ADGRA3: variants seen among roughly 807,000 people sequenced by gnomAD.
The protein encoded by ADGRA3 is G-protein coupled receptor 125.
In ADGRA3, 56 loss-of-function variants were observed where a neutral mutation model predicts 119.8. The ratio of observed to expected loss-of-function variants is 0.47; its 90% CI spans 0.38 to 0.58. The LOEUF (loss-of-function observed/expected upper bound fraction) is 0.58, where lower values mean the gene tolerates loss of function less well. Ranked by LOEUF, ADGRA3 falls within the 20% of genes least tolerant of loss-of-function variation. The pLI, the probability that ADGRA3 is intolerant of heterozygous loss-of-function variation, is 0.00. For synonymous variants in ADGRA3, 607 were observed against 623.8 expected, an observed-to-expected ratio of 0.97 and a Z score of 0.40; for missense variants, 1,516 against 1,649.0, an observed-to-expected ratio of 0.92 and a Z score of 1.40.
intron 2 of ADGRA3, among the ~76,000 whole-genome samples, chr4:22,469,203 C>T (rs931880026): frequency 6.6e-6 from 1 of 152,180 alleles, no homozygotes; most frequent in Non-Finnish European, 1.5e-5. Flanking sequence ...AAACCGAGGA[C>T]ACCCTCAACC....
intron 16 of ADGRA3, chr4:22,394,246 T>G (rs1714257949): frequency 6.6e-6 from 1 of 152,180 alleles, no homozygotes; most frequent in African/African-American, 2.4e-5. Context: ...AGAACCAATC[T>G]GCAGCAAACA....
At chr4:22,427,663 G>A (rs1339379768) in intron 10 of ADGRA3, among the ~76,000 whole-genome samples, 1 of 152,106 alleles carries the variant, frequency 6.6e-6, no homozygotes, top group African/African-American at 2.4e-5. Flanking sequence ...AAGTAGCTCT[G>A]AATATGTCAC....
In ADGRA3 at chr4:22,404,546, C is replaced by T. The variant is rs118084083; in HGVS notation, c.2233-1747G>A. 5.8e-3 allele frequency among the ~76,000 whole-genome samples: 888 copies of T among 152,298 alleles called. 14 individuals are homozygous for T. The highest frequency in any genetic ancestry group is 0.045 in the East Asian group (234 of 5,186). On this transcript the variant is annotated intron_variant, in intron 14 of 18. Coordinates refer to ENST00000334304, the MANE Select transcript of ADGRA3 (RefSeq NM_145290.4). ...ATGAGCCTCTAACTTACAATTCACCCATTTACTTGACAAATATTGAGTGCC... is the reference window on the plus strand; with the variant it reads ...ATGAGCCTCTAACTTACAATTCACCTATTTACTTGACAAATATTGAGTGCC...
chr4:22,420,484 C>T (rs1310954740), intron 12 of ADGRA3: 3 of 203,666 alleles, frequency 1.5e-5, no homozygotes. Flanking sequence ...CTAGGCTTGG[C>T]AGGCGCAGTG....
At position 22,454,867 on chromosome 4, in the gene ADGRA3, G is replaced by A. The variant is rs1218846392; in HGVS notation, c.472C>T (p.Leu158=). 1.9e-6 allele frequency: 3 copies of A among 1,610,046 alleles called. No individual in the cohort carries two copies. The highest frequency in any genetic ancestry group is 2.6e-6 in the Non-Finnish European group (3 of 1,176,372). ...IFRGLTNLVR[L]NLSGNLFSSL... is the part of the protein sequence containing the mutation. ...ATGGGAAAGAAAAGATATACTTACA[G>A]CCGAACCAGATTGGTGAGTCCTCGA... The change falls in exon 4 of 19, where the codon CTA becomes TTA. Residue 158 remains leucine, a splice_region_variant and synonymous_variant. Transcript: ENST00000334304.
chr4:22,483,286 C>A (rs1560339845), intron 1 of ADGRA3, among the ~76,000 whole-genome samples: 1 of 152,100 alleles, frequency 6.6e-6, no homozygotes, highest in Non-Finnish European at 1.5e-5. Context: ...GGAGACCCAA[C>A]AGAAAAGGTC....
chr4:22,416,594 G>A (rs1715439098), intron 12 of ADGRA3, among the ~76,000 whole-genome samples: 1 of 152,068 alleles, frequency 6.6e-6, no homozygotes, highest in African/African-American at 2.4e-5. Flanking sequence ...ACTGTCGGTG[G>A]TATTTTTTAC....
chr4:22,462,857 G>A (rs1027996371), intron 2 of ADGRA3, among the ~76,000 whole-genome samples: 2 of 152,144 alleles, frequency 1.3e-5, no homozygotes, highest in Non-Finnish European at 2.9e-5. Context: ...GACACACTAT[G>A]GCTACAGCTC....
At chr4:22,435,178 T>C in intron 10 of ADGRA3, 133 bp downstream of exon 10, 1 of 751,232 alleles carries the variant, frequency 1.3e-6, no homozygotes, top group Non-Finnish European at 2.2e-6. Flanking sequence ...CTCAATAAAA[T>C]TCTGGAAATT....
At chr4:22,435,775 C>T (rs1368965114) in intron 9 of ADGRA3, among the ~76,000 whole-genome samples, 1 of 152,168 alleles carries the variant, frequency 6.6e-6, no homozygotes, top group Non-Finnish European at 1.5e-5. Flanking sequence ...ACTCCAATTG[C>T]TTAATAAAGC....
chr4:22,431,288 T>G (rs1255291717), intron 10 of ADGRA3, among the ~76,000 whole-genome samples: 2 of 23,588 alleles, frequency 8.5e-5, no homozygotes, highest in East Asian at 2.4e-3. Flanking sequence ...TACTAATTCT[T>G]ATATATATAT....
rs3814416 is a variant in ADGRA3 at position 22,388,174 on chromosome 4, A to G, written c.3497T>C (p.Val1166Ala). The G allele has an allele frequency of 9.9e-6, 16 of 1,614,000 alleles. No homozygotes were observed. Among genetic ancestry groups the G allele is most frequent in the Non-Finnish European group, 1.3e-5 (15 of 1,179,980 alleles). ...APLEVQFRTNVHSSRHHKNRS... is the reference protein window; with the variant it reads ...APLEVQFRTNAHSSRHHKNRS... ...GTTTTTATGGTGGCGGCTTGAGTGC[A>G]CATTTGTTCGAAACTGAACTTCTAA... is the stretch of plus-strand genomic sequence containing the variant. Residue 1166 changes from valine (V) to alanine (A), a missense_variant, in exon 19 of 19, where the codon GTG (valine) becomes GCG (alanine). Physicochemically the swap from Val to Ala is moderately conservative, Grantham distance 64. Transcript: ENST00000334304.
rs74413790 is a variant in ADGRA3, at chr4:22,497,942, T to TA, written c.257+17585dup. ...CTGGGCAATAGAAAAAGACCCCATC[T>TA]AAAAAAAAAAAAAAAAGGCCGGGGA... On this transcript the variant is annotated intron_variant, in intron 1 of 18. Coordinates refer to ENST00000334304, the MANE Select transcript of ADGRA3 (RefSeq NM_145290.4). 7.2e-3 allele frequency among the ~76,000 whole-genome samples: 807 copies of TA among 111,430 alleles called. 8 individuals carry two copies. Among genetic ancestry groups the TA allele is most frequent in the East Asian group, 0.041 (148 of 3,622 alleles). The allele number at this position is 111,430 out of a possible 152,430, so 73.1% of individuals were successfully genotyped here.
Position 22,440,151 on chromosome 4 carries a change from T to C in ADGRA3, c.921-1731A>G, listed in dbSNP as rs189208989. Among the ~76,000 whole-genome samples the C allele has an allele frequency of 4.6e-5, 7 of 152,250 alleles. No homozygotes were observed. The East Asian group carries it at 1.2e-3, about 25-fold the overall frequency. On this transcript the variant is annotated intron_variant, in intron 7 of 18. Transcript: ENST00000334304. ...TTTGTACCACAGTAACTGTCCAAAG[T>C]CCAGCATCCCAAACACTATAATGGA... is the stretch of plus-strand genomic sequence containing the variant.
chr4:22,470,989 A>G (rs918551650), intron 2 of ADGRA3, among the ~76,000 whole-genome samples: 1 of 152,150 alleles, frequency 6.6e-6, no homozygotes. Context: ...TGCTGAAAGC[A>G]GGAGTGGGTG....
At position 22,509,478 on chromosome 4, in the gene ADGRA3, G is replaced by A. The variant is rs9992606; in HGVS notation, c.257+6050C>T. ...AGATCGCCCCACTGCACTCCAGCCTGGGAAACAGGGCGAGACTCCATCTCA... is the reference window on the plus strand; with the variant it reads ...AGATCGCCCCACTGCACTCCAGCCTAGGAAACAGGGCGAGACTCCATCTCA... On this transcript the variant is annotated intron_variant, in intron 1 of 18. Transcript: ENST00000334304. Among the ~76,000 whole-genome samples, 1,279 of 151,074 alleles carry A rather than the reference G, an allele frequency of 8.5e-3. 16 individuals carry two copies. The highest frequency in any genetic ancestry group is 0.03 in the African/African-American group (1,232 of 41,022).
At chr4:22,429,333 G>C (rs1716067064) in intron 10 of ADGRA3, among the ~76,000 whole-genome samples, 1 of 152,128 alleles carries the variant, frequency 6.6e-6, no homozygotes, top group Admixed American at 6.5e-5. Flanking sequence ...ATGCTGAAAG[G>C]AAAACAGTTA....
intron 1 of ADGRA3, among the ~76,000 whole-genome samples, chr4:22,496,403 T>C (rs1275751054): frequency 6.6e-6 from 1 of 152,192 alleles, no homozygotes; most frequent in Non-Finnish European, 1.5e-5. Flanking sequence ...TTAAAACACT[T>C]ACCACAGGAT....
intron 10 of ADGRA3, among the ~76,000 whole-genome samples, chr4:22,433,218 G>A (rs893203495): frequency 3.9e-5 from 6 of 152,022 alleles, no homozygotes; most frequent in African/African-American, 7.2e-5. Context: ...TAACTTTTCC[G>A]TCCTATGTTA....
Sources: allele counts gnomAD v4.1 joint callset (sites outside exome capture counted in the v4.1 genomes callset), GRCh38; gene constraint gnomAD v4.1.1; transcripts MANE v1.5; gene names NCBI Gene and HGNC (gene_info 2026-07-23, HGNC 2026-07-21).